The following PILRA variants were observed in gnomAD, a reference collection of about 807,000 sequenced individuals.
PILRA encodes paired immunoglobulin-like type 2 receptor alpha.
A neutral mutation model predicts 33.1 loss-of-function variants in PILRA; 37 were observed. The ratio of observed to expected loss-of-function variants is 1.12; its 90% confidence interval spans 0.86 to 1.47. The LOEUF (loss-of-function observed/expected upper bound fraction) is 1.47, where lower values mean the gene tolerates loss of function less well. Among genes scored for constraint, PILRA ranks in the 40% most tolerant of loss-of-function variants. The pLI, the probability that PILRA is intolerant of heterozygous loss-of-function variation, is 0.00. For synonymous variants in PILRA, 146 were observed against 149.9 expected (o/e 0.97, Z 0.19); for missense variants, 312 against 376.2 (o/e 0.83, Z 1.41).
intron 3 of PILRA, among the ~76,000 whole-genome samples, chr7:100,394,788 C>A (rs1476716952): frequency 3.9e-5 from 6 of 151,902 alleles, no homozygotes; most frequent in Non-Finnish European, 4.4e-5. Context: ...ATATCCAAAC[C>A]AAAGAATGTA....
intron 2 of PILRA, 95 bp from the exon 3 acceptor site, chr7:100,389,793 A>T: frequency 2.0e-6 from 2 of 1,006,620 alleles, no homozygotes; most frequent in Non-Finnish European, 3.1e-6. Context: ...CCTCACCACT[A>T]ATGTCCCCCA....
intron 3 of PILRA, among the ~76,000 whole-genome samples, chr7:100,395,004 G>A (rs1791466710): frequency 1.3e-5 from 2 of 151,998 alleles, no homozygotes; most frequent in Admixed American, 1.3e-4. Context: ...TTCATTACAG[G>A]ACACAATCAA....
chr7:100,394,525 C>A (rs1319605548), intron 3 of PILRA, among the ~76,000 whole-genome samples: 1 of 129,092 alleles, frequency 7.7e-6, no homozygotes, highest in Non-Finnish European at 1.6e-5. Flanking sequence ...ACCTGGGAGG[C>A]GGAGGTTGCA....
intron 3 of PILRA, among the ~76,000 whole-genome samples, chr7:100,390,664 G>T (rs766191637): frequency 3.9e-5 from 6 of 152,108 alleles, no homozygotes; most frequent in Non-Finnish European, 7.4e-5. Context: ...AATCAGAGAG[G>T]ACTTCCCAGA....
chr7:100,398,725 C>T (rs144657481), intron 4 of PILRA, among the ~76,000 whole-genome samples: 4 of 152,242 alleles, frequency 2.6e-5, no homozygotes, highest in East Asian at 1.9e-4. Context: ...TTTTATTCTC[C>T]GTGTTCCTCT....
chr7:100,385,829 A>T (rs2130199835), intron 2 of PILRA, among the ~76,000 whole-genome samples: 1 of 151,646 alleles, frequency 6.6e-6, no homozygotes, highest in African/African-American at 2.4e-5. Context: ...GGGTTTCACC[A>T]TGTTGGTCAG....
chr7:100,378,186 A>C (rs1435073069), intron 2 of PILRA, among the ~76,000 whole-genome samples: 1 of 135,994 alleles, frequency 7.4e-6, no homozygotes, highest in Non-Finnish European at 1.6e-5. Flanking sequence ...CCCCATCTCT[A>C]AAAAAAAAAA....
At chr7:100,388,516 TG>T (rs1255340376) in intron 2 of PILRA, among the ~76,000 whole-genome samples, 1 of 151,680 alleles carries the variant, frequency 6.6e-6, no homozygotes, top group Non-Finnish European at 1.5e-5. Context: ...GCAGATCACC[TG>T]AAGTCAGGAG....
intron 2 of PILRA, among the ~76,000 whole-genome samples, chr7:100,377,231 CTTTTTTTTTTTTTTTT>C (rs761225046): frequency 9.9e-6 from 1 of 100,930 alleles, no homozygotes; most frequent in African/African-American, 4.1e-5. Flanking sequence ...TTTTCTATTT[CTTTTTTTTTTTTTTTT>C]TTTTTTTTTT....
At chr7:100,383,710 C>T (rs1173633798) in intron 2 of PILRA, among the ~76,000 whole-genome samples, 2 of 151,626 alleles carry the variant, frequency 1.3e-5, no homozygotes, top group African/African-American at 2.4e-5. Context: ...GGTCTTCGGT[C>T]ACTGAACCTC....
At chr7:100,375,091 CCCT>C (rs1307207718) in intron 2 of PILRA, among the ~76,000 whole-genome samples, 1 of 152,120 alleles carries the variant, frequency 6.6e-6, no homozygotes, top group East Asian at 1.9e-4. Flanking sequence ...CCATCCTTTA[CCCT>C]CCTCACTTCT....
chr7:100,379,791 A>C (rs1031710622), intron 2 of PILRA, among the ~76,000 whole-genome samples: 1 of 152,212 alleles, frequency 6.6e-6, no homozygotes, highest in Non-Finnish European at 1.5e-5. Context: ...TTTTTTAAGA[A>C]AGAAATCCTC....
At chr7:100,398,007 A>C (rs1362550771) in intron 4 of PILRA, 95 bp downstream of exon 4, 1 of 1,260,616 alleles carries the variant, frequency 7.9e-7, no homozygotes, top group African/African-American at 1.5e-5. Context: ...AGAACCCCAC[A>C]AACCCAGCCT....
intron 2 of PILRA, among the ~76,000 whole-genome samples, chr7:100,383,314 C>T (rs915755939): frequency 1.3e-5 from 2 of 152,070 alleles, no homozygotes; most frequent in South Asian, 2.1e-4. Flanking sequence ...ACAGGGCACC[C>T]GAGCCCACAG....
chr7:100,373,858 G>A, intron 1 of PILRA, 138 bp downstream of exon 1: 1 of 1,296,424 alleles, frequency 7.7e-7, no homozygotes, highest in South Asian at 1.3e-5. Flanking sequence ...AGGGGCGGGT[G>A]ACCCCATCCT....
intron 2 of PILRA, among the ~76,000 whole-genome samples, chr7:100,382,631 A>G (rs1584217993): frequency 6.6e-6 from 1 of 152,252 alleles, no homozygotes; most frequent in Non-Finnish European, 1.5e-5. Flanking sequence ...GGGTGGTGCC[A>G]GGTAAGGGAA....
chr7:100,384,223 G>A (rs977617024), intron 2 of PILRA, among the ~76,000 whole-genome samples: 2 of 151,904 alleles, frequency 1.3e-5, no homozygotes, highest in African/African-American at 4.8e-5. Flanking sequence ...CTGAGTGGGG[G>A]AAACGGAAGA....
rs556435069 is a variant in PILRA at position 100,398,951 on chromosome 7, T to C, written c.708-340T>C. On this transcript the variant is annotated intron_variant, in intron 4 of 6. Transcript: ENST00000198536. ...ACTCTTTCTTCAATTTTTTTTTTTT[T>C]TAATTTTTGAGAGAGGGTATCGCTC... 5.3e-5 allele frequency among the ~76,000 whole-genome samples: 8 copies of C among 151,990 alleles called. No homozygotes were observed. In the South Asian group the frequency reaches 1.3e-3, roughly 24 times the overall value.
chr7:100,389,782 C>T, intron 2 of PILRA, 106 bp from the exon 3 acceptor site: 1 of 883,434 alleles, frequency 1.1e-6, no homozygotes, highest in Non-Finnish European at 1.9e-6. Context: ...GAGAGGAGCT[C>T]CCTCACCACT....
Sources: gnomAD v4.1 joint callset for allele counts (sites outside exome capture counted in the v4.1 genomes callset) on GRCh38, gnomAD v4.1.1 for gene constraint, MANE v1.5 for transcripts, NCBI Gene and HGNC (gene_info 2026-07-23, HGNC 2026-07-21) for gene names.